Variants in DNAH11 observed in about 807,000 individuals in gnomAD.
DNAH11 encodes axonemal beta dynein heavy chain 11.
DNAH11 carries 442 observed loss-of-function variants against 526.0 expected under a neutral mutation model. That is an observed-to-expected ratio of 0.84 (90% confidence interval 0.78 to 0.91). The LOEUF (loss-of-function observed/expected upper bound fraction) is 0.91, where lower values mean the gene tolerates loss of function less well. DNAH11 is among the 40% of genes least tolerant of loss of function. The pLI is 0.00. For synonymous variants in DNAH11, 2,461 were observed against 1,935.9 expected (o/e 1.27, Z -7.12); for missense variants, 6,989 against 5,448.7 (o/e 1.28, Z -8.90).
At chr7:21,831,315 G>A (rs952268908) in intron 65 of DNAH11, among the ~76,000 whole-genome samples, 6 of 152,074 alleles carry the variant, frequency 3.9e-5, no homozygotes, top group African/African-American at 1.4e-4. Context: ...CACCCCTCTG[G>A]TTAACTTTGT....
intron 26 of DNAH11, among the ~76,000 whole-genome samples, chr7:21,637,135 T>C (rs1004172680): frequency 2.6e-5 from 4 of 152,202 alleles, no homozygotes; most frequent in African/African-American, 4.8e-5. Flanking sequence ...CTCATTTTTA[T>C]ATGTAGGTAT....
chr7:21,783,807 A>G (rs1046055020), intron 57 of DNAH11, among the ~76,000 whole-genome samples: 3 of 152,286 alleles, frequency 2.0e-5, no homozygotes, highest in Admixed American at 6.5e-5. Context: ...TATTGTTCCA[A>G]TACCGAAGGC....
chr7:21,689,704 C>T (rs1185022047), intron 34 of DNAH11, among the ~76,000 whole-genome samples: 1 of 152,236 alleles, frequency 6.6e-6, no homozygotes. Flanking sequence ...CAAAATCCAC[C>T]TGCTCCTAAT....
chr7:21,819,283 A>G (rs979747456), intron 65 of DNAH11, among the ~76,000 whole-genome samples: 2 of 152,114 alleles, frequency 1.3e-5, no homozygotes, highest in Non-Finnish European at 2.9e-5. Context: ...ATTCTTGTCA[A>G]TTTTAAGTGG....
intron 2 of DNAH11, among the ~76,000 whole-genome samples, chr7:21,554,948 T>G (rs142578027): frequency 6.6e-6 from 1 of 152,208 alleles, no homozygotes; most frequent in Non-Finnish European, 1.5e-5. Context: ...GGTCTGCAGG[T>G]CTTTCTTCCT....
chr7:21,814,978 T>C (rs1433199181), intron 63 of DNAH11, among the ~76,000 whole-genome samples: 5 of 152,196 alleles, frequency 3.3e-5, no homozygotes, highest in Admixed American at 6.5e-5. Context: ...ACTATAGTTA[T>C]GATATTCTTT....
At chr7:21,715,279 A>G (rs2965406) in intron 42 of DNAH11, among the ~76,000 whole-genome samples, 71,544 of 152,008 alleles carry the variant, frequency 0.47, 17,261 homozygotes, top group East Asian at 0.66. Context: ...AACTTTGGCT[A>G]CTCTAGAAAG....
chr7:21,626,798 T>G (rs904356399), intron 25 of DNAH11, among the ~76,000 whole-genome samples: 1 of 132,886 alleles, frequency 7.5e-6, no homozygotes, highest in Non-Finnish European at 1.5e-5. Flanking sequence ...TCACCCAGGC[T>G]GGAGTACAGT....
rs762191209 is a variant in DNAH11, at chr7:21,570,131, G to T, written c.1257G>T (p.Lys419Asn). ...LRGEIEESLE[K>N]VQVAVNILKT... The stretch of plus-strand genomic sequence containing the variant: ...GAGAAATAGAAGAGTCACTGGAAAA[G>T]GTGCAGGTGGCTGTTAACATCTTAA... The change falls in exon 7 of 82, where the codon AAG (lysine) becomes AAT (asparagine). Residue 419 changes from lysine to asparagine, a missense_variant. Coordinates refer to ENST00000409508, the MANE Select transcript of DNAH11 (RefSeq NM_001277115.2). 1 of 1,613,152 alleles carries T rather than the reference G, an allele frequency of 6.2e-7. No individual in the cohort carries two copies. Among genetic ancestry groups the T allele is most frequent in the Non-Finnish European group, 8.5e-7 (1 of 1,179,588 alleles).
rs1109806 is a variant in DNAH11, at chr7:21,738,831, C to T, written c.7776C>T (p.His2592=). Reference sequence around the variant, plus strand: ...ACTTATATGGCACCGTTCAGCCTCACACCCTGATCCGGCAGCATATTGATT... The same window carrying T: ...ACTTATATGGCACCGTTCAGCCTCATACCCTGATCCGGCAGCATATTGATT... ...EVDLYGTVQP[H]TLIRQHIDYG... The change falls in exon 47 of 82, where the codon CAC becomes CAT. Residue 2592 remains histidine, a synonymous_variant. Coordinates refer to ENST00000409508, the MANE Select transcript of DNAH11 (RefSeq NM_001277115.2). 0.67 allele frequency: 1,073,856 copies of T among 1,603,266 alleles called. 366,485 individuals carry two copies. Among genetic ancestry groups the T allele is most frequent in the Non-Finnish European group, 0.7 (825,629 of 1,174,734 alleles).
At position 21,786,687 on chromosome 7, in the gene DNAH11, G is replaced by T; in HGVS notation, c.9661G>T (p.Ala3221Ser). 1 of 1,613,870 alleles carries T rather than the reference G, an allele frequency of 6.2e-7. No homozygotes were observed. The highest frequency in any genetic ancestry group is 8.5e-7 in the Non-Finnish European group (1 of 1,179,780). Residue 3221 changes from alanine to serine, a missense_variant, in exon 59 of 82, where the codon GCC becomes TCC. Ala to Ser is a moderately conservative substitution (Grantham distance 99, BLOSUM62 1). Transcript: ENST00000409508. ...PPIAVTNVTA[A>S]VMVLLAPRGR... Reference sequence around the variant, plus strand: ...CATCGCAGTTACCAATGTTACTGCAGCCGTGATGGTCCTTCTGGCTCCTCG... The same window carrying T: ...CATCGCAGTTACCAATGTTACTGCATCCGTGATGGTCCTTCTGGCTCCTCG...
At chr7:21,799,260 G>A (rs80273324) in intron 61 of DNAH11, among the ~76,000 whole-genome samples, 2,009 of 152,170 alleles carry the variant, frequency 0.013, 40 homozygotes, top group African/African-American at 0.045. Flanking sequence ...CAGAGCCTTC[G>A]TGTGCTTCTG....
Position 21,567,317 on chromosome 7 carries a change from A to G in DNAH11, c.1195-2752A>G, listed in dbSNP as rs149074303. On this transcript the variant is annotated intron_variant, in intron 6 of 81. Coordinates refer to ENST00000409508, the MANE Select transcript of DNAH11 (RefSeq NM_001277115.2). Reference sequence around the variant, plus strand: ...AATTGTATTTCCTCTTGTCACCTACATGTTCTTTGCGTTCATGAATTTATT... The same window carrying G: ...AATTGTATTTCCTCTTGTCACCTACGTGTTCTTTGCGTTCATGAATTTATT... Among the ~76,000 whole-genome samples the G allele has an allele frequency of 3.0e-3, 450 of 152,246 alleles. 1 individual carries two copies. The highest frequency in any genetic ancestry group is 0.01 in the African/African-American group (431 of 41,552).
At position 21,655,955 on chromosome 7, in the gene DNAH11, C is replaced by A. The variant is rs1254903583; in HGVS notation, c.5068C>A (p.Gln1690Lys). The change falls in exon 29 of 82, where the codon CAA (glutamine) becomes AAA (lysine). Residue 1690 changes from glutamine (Q) to lysine (K), a missense_variant. Physicochemically the swap from Gln to Lys is moderately conservative, Grantham distance 53. Coordinates refer to ENST00000409508, the MANE Select transcript of DNAH11 (RefSeq NM_001277115.2). ...YSKEKEYVPF[Q>K]AECECVGHVE... The stretch of plus-strand genomic sequence containing the variant: ...CAAAGAAAAGGAGTATGTCCCATTC[C>A]AAGCCGAGTGTGAATGTGTGGGCCA... 6 of 1,607,304 alleles carry A rather than the reference C, an allele frequency of 3.7e-6. No individual in the cohort carries two copies. The highest frequency in any genetic ancestry group is 5.1e-6 in the Non-Finnish European group (6 of 1,176,196).
At chr7:21,613,881 C>T (rs1409532767) in intron 20 of DNAH11, among the ~76,000 whole-genome samples, 9 of 152,128 alleles carry the variant, frequency 5.9e-5, no homozygotes, top group African/African-American at 2.2e-4. Context: ...CATTCTCCCA[C>T]CTCAGCCTCC....
At position 21,707,756 on chromosome 7, in the gene DNAH11, G is replaced by A. The variant is rs186535951; in HGVS notation, c.6604G>A (p.Asp2202Asn). The change falls in exon 40 of 82, where the codon GAC (aspartate) becomes AAC (asparagine). Residue 2202 changes from aspartate to asparagine, a missense_variant. Transcript: ENST00000409508. ...CATGAAACAGAAGCCGGTTTGGAAT[G>A]ACTTAAACCCTAAAGCTGTGACAAC... The part of the protein sequence containing the change: ...VNMKQKPVWN[D>N]LNPKAVTTDE... 1 of 1,613,260 alleles carries A rather than the reference G, an allele frequency of 6.2e-7. No homozygotes were observed. Among genetic ancestry groups the A allele is most frequent in the Admixed American group, 1.7e-5 (1 of 59,918 alleles).
At chr7:21,670,130 G>A (rs1053025330) in intron 30 of DNAH11, among the ~76,000 whole-genome samples, 7 of 152,092 alleles carry the variant, frequency 4.6e-5, no homozygotes, top group African/African-American at 1.7e-4. Context: ...TTGGAAGAAT[G>A]AACATCTCAA....
At position 21,868,924 on chromosome 7, in the gene DNAH11, G is replaced by A. The variant is rs376276056; in HGVS notation, c.11900G>A (p.Gly3967Asp). The A allele has an allele frequency of 6.2e-7, 1 of 1,614,022 alleles. No individual in the cohort carries two copies. Among genetic ancestry groups the A allele is most frequent in the South Asian group, 1.1e-5 (1 of 91,086 alleles). The change falls in exon 73 of 82, where the codon GGT (glycine) becomes GAT (aspartate). Residue 3967 changes from glycine (G) to aspartate (D), a missense_variant. Coordinates refer to ENST00000409508, the MANE Select transcript of DNAH11 (RefSeq NM_001277115.2). ...GKFHNVSLGQ[G>D]QETVAEVALE... ...TTCCACAATGTGTCTTTAGGACAAG[G>A]TCAGGAGACGGTGGCAGAAGTGGCC...
At chr7:21,868,631 C>T (rs192568461) in intron 72 of DNAH11, among the ~76,000 whole-genome samples, 1 of 152,324 alleles carries the variant, frequency 6.6e-6, no homozygotes, top group East Asian at 1.9e-4. Flanking sequence ...GCTTCATTAT[C>T]ATAAAACCAA....
Sources: gnomAD v4.1 joint callset for allele counts (sites outside exome capture counted in the v4.1 genomes callset) on GRCh38, gnomAD v4.1.1 for gene constraint, MANE v1.5 for transcripts, NCBI Gene and HGNC (gene_info 2026-07-23, HGNC 2026-07-21) for gene names.